TP63: variants seen among roughly 807,000 people sequenced by gnomAD.
The protein encoded by TP63 is tumor protein p63.
TP63 carries 17 observed loss-of-function variants against 82.8 expected under a neutral mutation model. The ratio of observed to expected loss-of-function variants is 0.21; its 90% CI spans 0.14 to 0.31. TP63 has a LOEUF of 0.31. Ranked by LOEUF, TP63 falls within the 10% of genes least tolerant of loss-of-function variation. The pLI is 1.00. For synonymous variants in TP63, 330 were observed against 321.7 expected (o/e 1.03, Z -0.28); for missense variants, 648 against 895.3 (o/e 0.72, Z 3.52).
chr3:189,789,278 C>G (rs947082550), intron 3 of TP63, among the ~76,000 whole-genome samples: 1 of 151,956 alleles, frequency 6.6e-6, no homozygotes, highest in Admixed American at 6.6e-5. Flanking sequence ...AAAAAAGAAG[C>G]CTTCTAAAAG....
intron 4 of TP63, among the ~76,000 whole-genome samples, chr3:189,837,910 C>T (rs1713386844): frequency 6.6e-6 from 1 of 152,140 alleles, no homozygotes; most frequent in Non-Finnish European, 1.5e-5. Flanking sequence ...CATGCATGAG[C>T]CATTGTGCCT....
chr3:189,597,033 G>A, the TP63 span, among the ~76,000 whole-genome samples: 8 of 152,104 alleles, frequency 5.3e-5, no homozygotes, highest in East Asian at 1.2e-3. Flanking sequence ...AAGAAACTCC[G>A]AACACATCCG....
At chr3:189,734,584 AT>A (rs1560144214) in intron 1 of TP63, among the ~76,000 whole-genome samples, 1 of 152,078 alleles carries the variant, frequency 6.6e-6, no homozygotes, top group Non-Finnish European at 1.5e-5. Flanking sequence ...ACTGATTCAC[AT>A]TTCTAAACCC....
At chr3:189,702,594 T>C (rs1717895186) in intron 1 of TP63, among the ~76,000 whole-genome samples, 1 of 152,194 alleles carries the variant, frequency 6.6e-6, no homozygotes, top group African/African-American at 2.4e-5. Flanking sequence ...AAGGGTATAA[T>C]GAGCAGGGCA....
intron 1 of TP63, among the ~76,000 whole-genome samples, chr3:189,652,614 A>G (rs1446306655): frequency 6.8e-6 from 1 of 146,600 alleles, no homozygotes; most frequent in Admixed American, 6.7e-5. Flanking sequence ...TGTGTTTTGA[A>G]TTGTAAGAAC....
chr3:189,754,153 A>G (rs1285984746), intron 3 of TP63, among the ~76,000 whole-genome samples: 1 of 152,156 alleles, frequency 6.6e-6, no homozygotes, highest in African/African-American at 2.4e-5. Context: ...AGAGAACTGC[A>G]TGCACCTCTT....
intron 4 of TP63, among the ~76,000 whole-genome samples, chr3:189,821,663 A>AT (rs532384983): frequency 9.1e-4 from 138 of 152,302 alleles, no homozygotes; most frequent in African/African-American, 3.1e-3. Context: ...TTAAGTTGTT[A>AT]TTTGGGCATG....
chr3:189,834,888 C>CTT (rs10641824), intron 4 of TP63, among the ~76,000 whole-genome samples: 2,989 of 138,684 alleles, frequency 0.022, 121 homozygotes, highest in African/African-American at 0.071. Context: ...GGTTTTTTTC[C>CTT]TTTTTTTTTT....
At chr3:189,642,558 A>G (rs529258337) in intron 1 of TP63, among the ~76,000 whole-genome samples, 1 of 151,410 alleles carries the variant, frequency 6.6e-6, no homozygotes, top group South Asian at 2.1e-4. Flanking sequence ...TTTTTTTTTC[A>G]TGTATAAAGA....
At chr3:189,682,568 A>C (rs12495587) in intron 1 of TP63, among the ~76,000 whole-genome samples, 1 of 8,410 alleles carries the variant, frequency 1.2e-4, no homozygotes, top group Non-Finnish European at 4.2e-4. Flanking sequence ...ATATATATAT[A>C]TATATATATA....
At chr3:189,695,214 T>A (rs1717280133) in intron 1 of TP63, among the ~76,000 whole-genome samples, 1 of 152,178 alleles carries the variant, frequency 6.6e-6, no homozygotes. Flanking sequence ...TCATGGATAG[T>A]TATGTTATAC....
rs537257405 is a variant in TP63, at chr3:189,752,252, C to A, written c.324+13478C>A. Among the ~76,000 whole-genome samples the A allele has an allele frequency of 2.6e-3, 389 of 152,256 alleles. 4 individuals are homozygous for A. The highest frequency in any genetic ancestry group is 8.8e-3 in the African/African-American group (367 of 41,550). ...GCAGTGGCATGATCTTGGCTCACTGCGGCCTCAACCTCCTAGGCTCACCTG... is the reference window on the plus strand; with the variant it reads ...GCAGTGGCATGATCTTGGCTCACTGAGGCCTCAACCTCCTAGGCTCACCTG... On this transcript the variant is annotated intron_variant, in intron 3 of 13. Transcript: ENST00000264731.
the TP63 span, among the ~76,000 whole-genome samples, chr3:189,611,936 G>T: frequency 6.6e-6 from 1 of 152,028 alleles, no homozygotes; most frequent in Non-Finnish European, 1.5e-5. Flanking sequence ...TTTGGTTGTT[G>T]GTGGTGTATA....
At chr3:189,844,167 CT>C (rs1224636373) in intron 4 of TP63, 4 of 366,896 alleles carry the variant, frequency 1.1e-5, no homozygotes, top group East Asian at 8.4e-5. Flanking sequence ...AACACTTTTC[CT>C]TTTTCTTTTT....
At chr3:189,634,209 G>A (rs1300911060) in intron 1 of TP63, among the ~76,000 whole-genome samples, 1 of 151,974 alleles carries the variant, frequency 6.6e-6, no homozygotes, top group Non-Finnish European at 1.5e-5. Context: ...CATAATCATA[G>A]TCATCTACAT....
intron 1 of TP63, among the ~76,000 whole-genome samples, chr3:189,719,304 A>T (rs1282390494): frequency 6.6e-6 from 1 of 152,112 alleles, no homozygotes; most frequent in Non-Finnish European, 1.5e-5. Context: ...AAATACTCAA[A>T]CTTGTCCTTA....
intron 1 of TP63, among the ~76,000 whole-genome samples, chr3:189,701,114 A>T (rs917750267): frequency 1.8e-4 from 27 of 152,120 alleles, no homozygotes; most frequent in Non-Finnish European, 3.8e-4. Context: ...TTCCAACATG[A>T]TTGTGATGCC....
At chr3:189,816,336 T>C (rs1230340402) in intron 4 of TP63, among the ~76,000 whole-genome samples, 1 of 152,214 alleles carries the variant, frequency 6.6e-6, no homozygotes, top group Non-Finnish European at 1.5e-5. Context: ...TACCATTTAT[T>C]GTGGGATTGT....
Position 189,661,168 on chromosome 3 carries a change from T to C in TP63, c.62+29591T>C, listed in dbSNP as rs556248733. ...TTCTTCTAGTTCTCCAGGAAAATGT[T>C]TCCAATTTGTGCACACTCAGTATGA... On this transcript the variant is annotated intron_variant, in intron 1 of 13. Transcript: ENST00000264731. Among the ~76,000 whole-genome samples, 6 of 152,164 alleles carry C rather than the reference T, an allele frequency of 3.9e-5. No homozygotes were observed. In the East Asian group the frequency reaches 1.2e-3, roughly 29 times the overall value.
Sources: allele counts gnomAD v4.1 joint callset (sites outside exome capture counted in the v4.1 genomes callset), GRCh38; gene constraint gnomAD v4.1.1; transcripts MANE v1.5; gene names NCBI Gene and HGNC (gene_info 2026-07-23, HGNC 2026-07-21).